The following CELF4 variants were observed in gnomAD, a reference collection of about 807,000 sequenced individuals.
CELF4 encodes CUGBP Elav-like family member 4.
In CELF4, 18 loss-of-function variants were observed where a neutral mutation model predicts 59.9. That is an observed-to-expected ratio of 0.30 (90% CI 0.21 to 0.45). The LOEUF is 0.45. CELF4 is among the 20% of genes least tolerant of loss of function. The pLI, the probability that CELF4 is intolerant of heterozygous loss-of-function variation, is 1.00. For synonymous variants in CELF4, 261 were observed against 267.1 expected, an observed-to-expected ratio of 0.98 and a Z score of 0.22; for missense variants, 456 against 689.0, an observed-to-expected ratio of 0.66 and a Z score of 3.79.
At chr18:37,384,033 G>A (rs1387562733) in intron 2 of CELF4, among the ~76,000 whole-genome samples, 2 of 152,164 alleles carry the variant, frequency 1.3e-5, no homozygotes, top group African/African-American at 4.8e-5. Flanking sequence ...TGCTCCCCAC[G>A]GTGCTGAGCT....
rs561431259 is a variant in CELF4 at position 37,556,483 on chromosome 18, G to A, written c.286+8873C>T. Among the ~76,000 whole-genome samples, 3 of 152,216 alleles carry A rather than the reference G, an allele frequency of 2.0e-5. No individual in the cohort carries two copies. The South Asian group carries it at 6.2e-4, about 32-fold the overall frequency. On this transcript the variant is annotated intron_variant, in intron 1 of 12. Transcript: ENST00000420428. Reference sequence around the variant, plus strand: ...GAGATGTGGCCCTTTAACTTTTAGAGGGAATGGGTTTGTGTAGGTTTGTAG... The same window carrying A: ...GAGATGTGGCCCTTTAACTTTTAGAAGGAATGGGTTTGTGTAGGTTTGTAG...
intron 2 of CELF4, among the ~76,000 whole-genome samples, chr18:37,470,561 G>A (rs956901915): frequency 3.3e-5 from 5 of 152,156 alleles, no homozygotes; most frequent in Non-Finnish European, 5.9e-5. Context: ...TCCCAGCAGC[G>A]CTGTGTCCAA....
At chr18:37,330,854 T>C (rs778543692) in intron 2 of CELF4, among the ~76,000 whole-genome samples, 17 of 152,032 alleles carry the variant, frequency 1.1e-4, no homozygotes, top group African/African-American at 4.1e-4. Context: ...TCCAGCAAAG[T>C]GGCGCGTTGC....
At chr18:37,309,030 C>T (rs942444341) in intron 3 of CELF4, among the ~76,000 whole-genome samples, 1 of 152,208 alleles carries the variant, frequency 6.6e-6, no homozygotes, top group African/African-American at 2.4e-5. Context: ...TGGGCAGGTC[C>T]AGCCTCAGAC....
intron 2 of CELF4, among the ~76,000 whole-genome samples, chr18:37,336,778 C>T (rs559189248): frequency 2.0e-4 from 31 of 152,314 alleles, no homozygotes; most frequent in African/African-American, 6.7e-4. Flanking sequence ...GTGGATGCGG[C>T]GTCTCTCCAG....
chr18:37,432,867 A>G (rs1005691273), intron 2 of CELF4, among the ~76,000 whole-genome samples: 3 of 152,104 alleles, frequency 2.0e-5, no homozygotes, highest in Non-Finnish European at 1.5e-5. Flanking sequence ...CTTTCTTACT[A>G]TGCTCTCTCA....
intron 8 of CELF4, among the ~76,000 whole-genome samples, chr18:37,269,681 C>T (rs534477473): frequency 2.4e-4 from 36 of 152,284 alleles, no homozygotes; most frequent in African/African-American, 6.5e-4. Flanking sequence ...TGTTAATGCT[C>T]GATGGTAGTT....
intron 2 of CELF4, among the ~76,000 whole-genome samples, chr18:37,456,681 G>C (rs945640374): frequency 6.6e-6 from 1 of 152,182 alleles, no homozygotes; most frequent in Admixed American, 6.5e-5. Context: ...CTGAGGCCCA[G>C]GTGATCAGGT....
At chr18:37,485,461 C>G in intron 2 of CELF4, 64 bp downstream of exon 2, 4 of 1,072,406 alleles carry the variant, frequency 3.7e-6, no homozygotes, top group South Asian at 4.2e-5. Context: ...CGCCGCCGCC[C>G]GGCCTCCCGA....
At chr18:37,311,572 G>A (rs995602970) in intron 3 of CELF4, among the ~76,000 whole-genome samples, 5 of 152,036 alleles carry the variant, frequency 3.3e-5, no homozygotes, top group Non-Finnish European at 5.9e-5. Context: ...GGTGGATCAC[G>A]AGGTCACGAG....
intron 2 of CELF4, among the ~76,000 whole-genome samples, chr18:37,443,751 T>C (rs994153318): frequency 3.3e-5 from 5 of 152,120 alleles, no homozygotes; most frequent in African/African-American, 1.2e-4. Flanking sequence ...GGGTGGTCAC[T>C]GACATGGAAT....
intron 1 of CELF4, among the ~76,000 whole-genome samples, chr18:37,515,017 T>C (rs942338852): frequency 1.3e-5 from 2 of 152,224 alleles, no homozygotes; most frequent in African/African-American, 2.4e-5. Flanking sequence ...ATAATTTAGA[T>C]ACTTTTAACA....
At chr18:37,351,732 T>C (rs1235976267) in intron 2 of CELF4, among the ~76,000 whole-genome samples, 1 of 151,734 alleles carries the variant, frequency 6.6e-6, no homozygotes, top group Non-Finnish European at 1.5e-5. Context: ...TGCCTCAGCC[T>C]CTTGAGTAGC....
chr18:37,489,795 G>A lies in CELF4; in HGVS notation c.287-4188C>T, dbSNP rs2099894621. Among the ~76,000 whole-genome samples the A allele has an allele frequency of 2.6e-5, 4 of 152,186 alleles. No individual in the cohort carries two copies. The South Asian group carries it at 8.3e-4, about 32-fold the overall frequency. ...CAACACAAGACAGTGTGGGAGAGAG[G>A]CTAGAACCGGGCTCTGAACGCTGAG... On this transcript the variant is annotated intron_variant, in intron 1 of 12. Transcript: ENST00000420428.
At position 37,512,002 on chromosome 18, in the gene CELF4, A is replaced by C. The variant is rs183047617; in HGVS notation, c.287-26395T>G. ...AGTTCATCAGGCCCAGAATTTAAAA[A>C]AAGAAAGAAAGAAAGACAGAAAAAA... On this transcript the variant is annotated intron_variant, in intron 1 of 12. Coordinates refer to ENST00000420428, the MANE Select transcript of CELF4 (RefSeq NM_020180.4). 2.0e-4 allele frequency among the ~76,000 whole-genome samples: 31 copies of C among 152,250 alleles called. No individual in the cohort carries two copies. In the East Asian group the frequency reaches 5.8e-3, roughly 29 times the overall value.
intron 2 of CELF4, among the ~76,000 whole-genome samples, chr18:37,343,751 C>G (rs1309972545): frequency 5.3e-5 from 8 of 152,046 alleles, no homozygotes; most frequent in Admixed American, 4.6e-4. Flanking sequence ...GTGTTCCGTG[C>G]CCTGCGAACC....
At chr18:37,328,772 C>T (rs2097424566) in intron 2 of CELF4, among the ~76,000 whole-genome samples, 1 of 152,114 alleles carries the variant, frequency 6.6e-6, no homozygotes, top group Admixed American at 6.6e-5. Flanking sequence ...CCAACCCCAC[C>T]CCAGCACACA....
chr18:37,449,849 G>T (rs904437198), intron 2 of CELF4, among the ~76,000 whole-genome samples: 2 of 152,188 alleles, frequency 1.3e-5, no homozygotes, highest in Non-Finnish European at 2.9e-5. Context: ...TAACCTCAAG[G>T]TGTGTCCCTT....
chr18:37,543,566 C>G (rs994016957), intron 1 of CELF4, among the ~76,000 whole-genome samples: 1 of 152,130 alleles, frequency 6.6e-6, no homozygotes, highest in African/African-American at 2.4e-5. Flanking sequence ...CAGCACTGGG[C>G]ACAGTGTGGG....
Sources: allele counts gnomAD v4.1 joint callset (sites outside exome capture counted in the v4.1 genomes callset), GRCh38; gene constraint gnomAD v4.1.1; transcripts MANE v1.5; gene names NCBI Gene and HGNC (gene_info 2026-07-23, HGNC 2026-07-21).